The following MCC variants were observed in gnomAD, a reference collection of about 807,000 sequenced individuals.
MCC encodes the protein colorectal mutant cancer protein.
A neutral mutation model predicts 116.2 loss-of-function variants in MCC; 90 were observed. That is an observed-to-expected ratio of 0.77 (90% CI 0.65 to 0.92). MCC has a LOEUF of 0.92. Among genes scored for constraint, MCC ranks in the 40% least tolerant of loss-of-function variants. The pLI, the probability that MCC is intolerant of heterozygous loss-of-function variation, is 0.00. For synonymous variants in MCC, 578 were observed against 510.5 expected, an observed-to-expected ratio of 1.13 and a Z score of -1.78; for missense variants, 1,516 against 1,312.2, an observed-to-expected ratio of 1.16 and a Z score of -2.40.
intron 3 of MCC, among the ~76,000 whole-genome samples, chr5:113,314,429 GT>G (rs1767227283): frequency 6.6e-6 from 1 of 152,182 alleles, no homozygotes; most frequent in Non-Finnish European, 1.5e-5. Flanking sequence ...TGTAAATGCT[GT>G]TAGTGTCAGC....
At chr5:113,133,908 C>G (rs562717262) in intron 5 of MCC, among the ~76,000 whole-genome samples, 10 of 152,260 alleles carry the variant, frequency 6.6e-5, no homozygotes, top group Admixed American at 5.2e-4. Flanking sequence ...TGAGCAATGT[C>G]TATTCAGATC....
chr5:113,459,920 T>C (rs1232488097), intron 1 of MCC, among the ~76,000 whole-genome samples: 1 of 151,610 alleles, frequency 6.6e-6, no homozygotes, highest in East Asian at 1.9e-4. Context: ...AGATATTTAA[T>C]AGATACTTAA....
rs187680507 is a variant in MCC, at chr5:113,076,813, C to G, written c.1785-5579G>C. On this transcript the variant is annotated intron_variant, in intron 11 of 18. Coordinates refer to ENST00000408903, the MANE Select transcript of MCC (RefSeq NM_001085377.2). ...GGATCAAATTCACACATAATATTAA[C>G]CTTAAATGTAAATGGGCTAAATGTT... 3.8e-4 allele frequency among the ~76,000 whole-genome samples: 58 copies of G among 152,216 alleles called. 3 individuals are homozygous for G. The highest frequency in any genetic ancestry group is 1.3e-3 in the African/African-American group (55 of 41,548).
At chr5:113,175,194 CAT>C (rs2150305775) in intron 3 of MCC, among the ~76,000 whole-genome samples, 1 of 152,232 alleles carries the variant, frequency 6.6e-6, no homozygotes, top group African/African-American at 2.4e-5. Context: ...AATAAATAGA[CAT>C]GTCAATAAAT....
chr5:113,340,696 G>C lies in MCC; in HGVS notation c.450C>G (p.Tyr150Ter), dbSNP rs369561075. 1.3e-5 allele frequency: 21 copies of C among 1,613,660 alleles called. No individual in the cohort carries two copies. Among genetic ancestry groups the C allele is most frequent in the East Asian group, 8.9e-5 (4 of 44,860 alleles). ...ALSAARESWEYDSGARDLQSP... is the reference protein window; with the variant it reads ...ALSAARESWE ...TCTGGAGGTCCCTGGCACCAGAGTCGTATTCCCAGCTCTCCCTGGCTGCTG... is the reference window on the plus strand; with the variant it reads ...TCTGGAGGTCCCTGGCACCAGAGTCCTATTCCCAGCTCTCCCTGGCTGCTG... The change falls in exon 3 of 19, where the codon TAC (tyrosine) becomes TAG (stop). Residue 150 changes from tyrosine (Y) to a stop codon, truncating the protein, a stop_gained. Coordinates refer to ENST00000408903, the MANE Select transcript of MCC (RefSeq NM_001085377.2). LOFTEE classifies it high-confidence loss of function.
At chr5:113,044,864 G>A (rs1038399463) in intron 16 of MCC, among the ~76,000 whole-genome samples, 3 of 152,166 alleles carry the variant, frequency 2.0e-5, no homozygotes, top group Non-Finnish European at 4.4e-5. Flanking sequence ...GTGAGCCACC[G>A]CACCTGGCCA....
At chr5:113,156,099 G>C (rs564870096) in intron 3 of MCC, among the ~76,000 whole-genome samples, 1 of 152,156 alleles carries the variant, frequency 6.6e-6, no homozygotes, top group Non-Finnish European at 1.5e-5. Context: ...AGGTGCCTCA[G>C]TCCCTAGCAA....
chr5:113,139,494 T>C (rs949802519), intron 5 of MCC, among the ~76,000 whole-genome samples: 109 of 152,116 alleles, frequency 7.2e-4, no homozygotes, highest in Admixed American at 3.6e-3. Flanking sequence ...AATATGAACA[T>C]ATGAAAAAAA....
At chr5:113,452,995 G>C (rs1442047438) in intron 1 of MCC, among the ~76,000 whole-genome samples, 1 of 152,182 alleles carries the variant, frequency 6.6e-6, no homozygotes, top group Non-Finnish European at 1.5e-5. Context: ...TTTAAGAGCA[G>C]GGTATGAGGT....
At chr5:113,385,710 A>T (rs868559487) in intron 1 of MCC, among the ~76,000 whole-genome samples, 2 of 152,206 alleles carry the variant, frequency 1.3e-5, no homozygotes, top group South Asian at 4.1e-4. Flanking sequence ...TGTTTAAAAC[A>T]TCATTTAATC....
intron 13 of MCC, among the ~76,000 whole-genome samples, chr5:113,065,339 G>A (rs564296306): frequency 3.7e-4 from 56 of 152,120 alleles, no homozygotes; most frequent in African/African-American, 1.3e-3. Context: ...GTTTTGCTGT[G>A]AACCTAAAAC....
At chr5:113,244,257 G>A (rs114847696) in intron 3 of MCC, among the ~76,000 whole-genome samples, 1,713 of 152,232 alleles carry the variant, frequency 0.011, 31 homozygotes, top group African/African-American at 0.039. Context: ...ACAACACAAG[G>A]AATGATCATC....
At chr5:113,048,015 A>G (rs1752225526) in intron 16 of MCC, among the ~76,000 whole-genome samples, 1 of 152,220 alleles carries the variant, frequency 6.6e-6, no homozygotes. Context: ...GGAAGGAGTC[A>G]AGGAGGAAAT....
At chr5:113,054,078 C>A (rs1268511935) in intron 14 of MCC, 119 bp from the exon 15 acceptor site, 2 of 709,048 alleles carry the variant, frequency 2.8e-6, no homozygotes, top group Non-Finnish European at 4.7e-6. Flanking sequence ...AGATGGTAAT[C>A]CAAAAATCAG....
At chr5:113,351,772 T>C (rs1036215635) in intron 2 of MCC, among the ~76,000 whole-genome samples, 1 of 152,178 alleles carries the variant, frequency 6.6e-6, no homozygotes, top group East Asian at 1.9e-4. Context: ...GATTATTATG[T>C]ACTGCATGCC....
At chr5:113,429,637 C>G (rs1770575371) in intron 1 of MCC, among the ~76,000 whole-genome samples, 1 of 152,084 alleles carries the variant, frequency 6.6e-6, no homozygotes, top group South Asian at 2.1e-4. Context: ...AGTGTTAGTG[C>G]CTTTGACTCA....
At chr5:113,415,124 G>C (rs1471219719) in intron 1 of MCC, among the ~76,000 whole-genome samples, 1 of 152,308 alleles carries the variant, frequency 6.6e-6, no homozygotes, top group African/African-American at 2.4e-5. Context: ...TAGAGTTTCT[G>C]CCGAGAGATC....
chr5:113,283,332 A>G (rs1487874660), intron 3 of MCC, among the ~76,000 whole-genome samples: 1 of 152,212 alleles, frequency 6.6e-6, no homozygotes, highest in East Asian at 1.9e-4. Context: ...ACATCAACAA[A>G]AGCCAAACCA....
intron 3 of MCC, among the ~76,000 whole-genome samples, chr5:113,254,412 C>T (rs1163810131): frequency 2.0e-5 from 3 of 152,170 alleles, no homozygotes; most frequent in Admixed American, 6.5e-5. Context: ...TCAGCAAGTC[C>T]TGAAAGCAGT....
Sources: gnomAD v4.1 joint callset for allele counts (sites outside exome capture counted in the v4.1 genomes callset) on GRCh38, gnomAD v4.1.1 for gene constraint, MANE v1.5 for transcripts, NCBI Gene and HGNC (gene_info 2026-07-23, HGNC 2026-07-21) for gene names.